Variants in PTK2 observed in about 807,000 individuals in gnomAD.
The protein encoded by PTK2 is protein tyrosine kinase 2.
In PTK2, 45 loss-of-function variants were observed where a neutral mutation model predicts 150.1. That is an observed-to-expected ratio of 0.30 (90% confidence interval 0.24 to 0.38). The LOEUF (loss-of-function observed/expected upper bound fraction) is 0.38. Ranked by LOEUF, PTK2 falls within the 10% of genes least tolerant of loss-of-function variation. PTK2 has a pLI of 1.00. For missense variants in PTK2, 919 were observed against 1,307.3 expected, an observed-to-expected ratio of 0.70 and a Z score of 4.58; for synonymous variants, 432 against 449.2, an observed-to-expected ratio of 0.96 and a Z score of 0.48.
At chr8:140,794,719 T>C (rs563015367) in intron 12 of PTK2, among the ~76,000 whole-genome samples, 82 of 152,322 alleles carry the variant, frequency 5.4e-4, no homozygotes, top group Admixed American at 8.5e-4. Flanking sequence ...CTTATCTCCC[T>C]GGCCTGATGA....
chr8:140,767,524 C>T (rs1336008937), intron 14 of PTK2, among the ~76,000 whole-genome samples: 2 of 152,120 alleles, frequency 1.3e-5, no homozygotes, highest in Admixed American at 6.5e-5. Context: ...CTTGCTCTGT[C>T]GCCTAGGGTG....
chr8:140,849,826 T>G (rs1407464497), intron 5 of PTK2, among the ~76,000 whole-genome samples: 3 of 152,232 alleles, frequency 2.0e-5, no homozygotes, highest in African/African-American at 7.2e-5. Flanking sequence ...GAACACGTAT[T>G]AAAGTCAGGA....
intron 14 of PTK2, among the ~76,000 whole-genome samples, chr8:140,780,739 GT>G (rs1216977612): frequency 6.6e-6 from 1 of 152,172 alleles, no homozygotes; most frequent in Non-Finnish European, 1.5e-5. Context: ...AGCTGATAAT[GT>G]TTTGTAAAAA....
At chr8:140,807,740 G>A (rs1050884431) in intron 10 of PTK2, among the ~76,000 whole-genome samples, 13 of 152,262 alleles carry the variant, frequency 8.5e-5, no homozygotes, top group African/African-American at 3.1e-4. Flanking sequence ...TGGATATACT[G>A]GATCAAATAA....
intron 1 of PTK2, among the ~76,000 whole-genome samples, chr8:140,980,011 T>C (rs1039601189): frequency 1.3e-5 from 2 of 152,236 alleles, no homozygotes; most frequent in African/African-American, 4.8e-5. Flanking sequence ...ATAACTACTT[T>C]GGGAAGCAAT....
intron 23 of PTK2, among the ~76,000 whole-genome samples, chr8:140,714,924 A>G (rs2100038797): frequency 6.6e-6 from 1 of 151,766 alleles, no homozygotes; most frequent in Non-Finnish European, 1.5e-5. Context: ...AAGTGAGGAA[A>G]TACTGGCCTA....
At chr8:140,892,327 AG>A (rs1359308970) in intron 2 of PTK2, among the ~76,000 whole-genome samples, 2 of 152,108 alleles carry the variant, frequency 1.3e-5, no homozygotes, top group Admixed American at 1.3e-4. Context: ...TTGAGCCCAA[AG>A]GTTCAAGACC....
intron 2 of PTK2, among the ~76,000 whole-genome samples, chr8:140,907,228 G>T (rs1427902816): frequency 6.6e-6 from 1 of 152,132 alleles, no homozygotes; most frequent in African/African-American, 2.4e-5. Flanking sequence ...AGTCCTTTCT[G>T]CCTTCTTCTC....
At chr8:140,989,212 TAA>T (rs71310816) in intron 1 of PTK2, among the ~76,000 whole-genome samples, 260 of 60,556 alleles carry the variant, frequency 4.3e-3, no homozygotes, top group African/African-American at 0.014. Context: ...ACCCTGTCTC[TAA>T]AAAAAAAAAA....
At chr8:140,678,802 G>A (rs1265234767) in intron 27 of PTK2, among the ~76,000 whole-genome samples, 2 of 152,110 alleles carry the variant, frequency 1.3e-5, no homozygotes, top group Non-Finnish European at 2.9e-5. Context: ...AAGGTGGTCA[G>A]GGCAGATAGA....
chr8:140,681,812 A>C (rs2100017150), intron 27 of PTK2, among the ~76,000 whole-genome samples: 1 of 152,170 alleles, frequency 6.6e-6, no homozygotes, highest in Non-Finnish European at 1.5e-5. Context: ...GTTAGGAAGG[A>C]CTGGGAATTG....
At chr8:140,849,189 T>C (rs2100127565) in intron 5 of PTK2, among the ~76,000 whole-genome samples, 1 of 152,188 alleles carries the variant, frequency 6.6e-6, no homozygotes, top group African/African-American at 2.4e-5. Context: ...ATCAAAGTAT[T>C]CTGCAAAGAG....
At chr8:140,767,779 G>T (rs943640170) in intron 14 of PTK2, among the ~76,000 whole-genome samples, 2 of 152,140 alleles carry the variant, frequency 1.3e-5, no homozygotes, top group Non-Finnish European at 2.9e-5. Context: ...GCCTTCCCAA[G>T]AATTCTTGAC....
intron 10 of PTK2, among the ~76,000 whole-genome samples, chr8:140,807,764 T>C (rs1486703109): frequency 6.6e-6 from 1 of 152,264 alleles, no homozygotes; most frequent in East Asian, 1.9e-4. Flanking sequence ...ATATTAAAAT[T>C]AATTGCACCT....
intron 1 of PTK2, among the ~76,000 whole-genome samples, chr8:140,998,728 A>G (rs1035205223): frequency 1.4e-4 from 21 of 151,464 alleles, no homozygotes; most frequent in Non-Finnish European, 8.8e-5. Context: ...CTGAAGCAGG[A>G]GAATGGCATG....
intron 29 of PTK2, among the ~76,000 whole-genome samples, chr8:140,672,868 G>A (rs903858077): frequency 6.6e-6 from 1 of 152,216 alleles, no homozygotes; most frequent in Non-Finnish European, 1.5e-5. Flanking sequence ...CTATGTGGAG[G>A]CTGTGTAACC....
intron 5 of PTK2, among the ~76,000 whole-genome samples, chr8:140,859,984 ACT>A (rs2100135103): frequency 6.6e-6 from 1 of 152,122 alleles, no homozygotes; most frequent in South Asian, 2.1e-4. Context: ...AGCAATAAAA[ACT>A]CATAGTATAT....
chr8:140,809,127 G>GA lies in PTK2; in HGVS notation c.868-5478dup, dbSNP rs2100099931. 2.0e-5 allele frequency among the ~76,000 whole-genome samples: 3 copies of GA among 152,186 alleles called. No homozygotes were observed. In the South Asian group the frequency reaches 6.2e-4, roughly 32 times the overall value. ...AGACATATTAAAAGTTGTGCAAGAA[G>GA]AAAATGGCCTCCAAAGTAAACAAGA... On this transcript the variant is annotated intron_variant, in intron 10 of 31. Coordinates refer to ENST00000522684, the Ensembl canonical transcript of PTK2.
chr8:140,829,270 T>G (rs2100113835), intron 8 of PTK2, among the ~76,000 whole-genome samples: 1 of 130,416 alleles, frequency 7.7e-6, no homozygotes, highest in Non-Finnish European at 1.6e-5. Context: ...AGAAGCTATG[T>G]GAGAGAGGAA....
Sources: gnomAD v4.1 joint callset for allele counts (sites outside exome capture counted in the v4.1 genomes callset) on GRCh38, gnomAD v4.1.1 for gene constraint, MANE v1.5 for transcripts, NCBI Gene and HGNC (gene_info 2026-07-23, HGNC 2026-07-21) for gene names.